SCARA5: variants seen among roughly 807,000 people sequenced by gnomAD.
SCARA5 encodes the protein scavenger receptor class A, member 5 (putative).
A neutral mutation model predicts 46.3 loss-of-function variants in SCARA5; 45 were observed. The observed-to-expected ratio is 0.97, with a 90% CI of 0.76 to 1.24. The LOEUF (loss-of-function observed/expected upper bound fraction) is 1.24. Ranked by LOEUF, SCARA5 falls within the 50% of genes most tolerant of loss-of-function variation. The pLI, the probability that SCARA5 is intolerant of heterozygous loss-of-function variation, is 0.00. For missense variants in SCARA5, 680 were observed against 689.0 expected (o/e 0.99, Z 0.15); for synonymous variants, 333 against 306.5 (o/e 1.09, Z -0.90).
chr8:27,980,602 C>A (rs1481470130), intron 2 of SCARA5, among the ~76,000 whole-genome samples: 1 of 152,162 alleles, frequency 6.6e-6, no homozygotes, highest in East Asian at 1.9e-4. Context: ...GCCTCTGTAC[C>A]CCCTCCCTCC....
chr8:27,921,779 G>A lies in SCARA5; in HGVS notation c.708C>T (p.Tyr236=), dbSNP rs61737296. The A allele has an allele frequency of 0.011, 17,078 of 1,573,344 alleles. 122 individuals are homozygous for A. The highest frequency in any genetic ancestry group is 0.024 in the African/African-American group (1,819 of 74,492). The change falls in exon 4 of 9, where the codon TAC becomes TAT. Residue 236 remains tyrosine, a synonymous_variant. Transcript: ENST00000354914. ...VLRGLNHSLS[Y]DVALHRTRLQ... is the part of the protein sequence containing the mutation. The stretch of plus-strand genomic sequence containing the variant: ...GCCGCGTGCGGTGGAGGGCCACGTC[G>A]TAGGACAGGCTGTGGTTGAGGCCGC...
At chr8:27,963,310 T>C (rs1345357347) in intron 3 of SCARA5, among the ~76,000 whole-genome samples, 1 of 152,196 alleles carries the variant, frequency 6.6e-6, no homozygotes, top group Non-Finnish European at 1.5e-5. Flanking sequence ...CAATCTCAAT[T>C]CTTTAGTTCA....
intron 4 of SCARA5, among the ~76,000 whole-genome samples, chr8:27,912,522 G>A (rs746635637): frequency 2.0e-5 from 3 of 152,330 alleles, no homozygotes; most frequent in South Asian, 2.1e-4. Flanking sequence ...GCACAGAAAC[G>A]AAGGGCGGAG....
chr8:27,955,230 G>A (rs993844325), intron 3 of SCARA5, among the ~76,000 whole-genome samples: 6 of 152,192 alleles, frequency 3.9e-5, no homozygotes, highest in African/African-American at 1.2e-4. Flanking sequence ...TTACCAGACA[G>A]AAACACAGCG....
chr8:27,964,786 C>T (rs998768987), intron 3 of SCARA5, among the ~76,000 whole-genome samples: 8 of 152,062 alleles, frequency 5.3e-5, no homozygotes, highest in African/African-American at 1.4e-4. Context: ...CTGCCCCAAA[C>T]CCCCCACCAG....
At chr8:27,898,924 G>A (rs185796203) in intron 7 of SCARA5, among the ~76,000 whole-genome samples, 52 of 152,360 alleles carry the variant, frequency 3.4e-4, no homozygotes, top group African/African-American at 1.1e-3. Flanking sequence ...GGTACCTGGC[G>A]GGCGGCGTGC....
intron 3 of SCARA5, among the ~76,000 whole-genome samples, chr8:27,946,302 C>A (rs1269498457): frequency 2.0e-5 from 3 of 152,138 alleles, no homozygotes; most frequent in Non-Finnish European, 4.4e-5. Flanking sequence ...TAAAAGAAAA[C>A]CAGGATTCGT....
intron 2 of SCARA5, 75 bp from the exon 3 acceptor site, chr8:27,966,617 C>T: frequency 6.8e-7 from 1 of 1,463,232 alleles, no homozygotes; most frequent in Non-Finnish European, 9.2e-7. Context: ...TTTTTGGTCT[C>T]ATCTCTCCCT....
chr8:27,945,137 G>A (rs1808014070), intron 3 of SCARA5, among the ~76,000 whole-genome samples: 1 of 151,742 alleles, frequency 6.6e-6, no homozygotes, highest in Non-Finnish European at 1.5e-5. Flanking sequence ...CTGCACTCCA[G>A]CCTGGGTGAT....
intron 3 of SCARA5, among the ~76,000 whole-genome samples, chr8:27,951,595 G>T (rs542855138): frequency 1.3e-5 from 2 of 152,324 alleles, no homozygotes; most frequent in South Asian, 4.1e-4. Context: ...CGGTGCAGAG[G>T]CCCGTCCCGT....
rs181079909 is a variant in SCARA5 at position 27,989,687 on chromosome 8, G to A, written c.-15-2057C>T. On this transcript the variant is annotated intron_variant, in intron 1 of 8. Coordinates refer to ENST00000354914, the MANE Select transcript of SCARA5 (RefSeq NM_173833.6). ...AGGGATGGAACAGGGGGTGGTCCTC[G>A]GCTCTGCCAGGATCTCTCCTCCCTG... 5.2e-3 allele frequency among the ~76,000 whole-genome samples: 789 copies of A among 152,256 alleles called. 7 individuals are homozygous for A. The highest frequency in any genetic ancestry group is 0.018 in the African/African-American group (746 of 41,540).
At chr8:27,874,476 T>A (rs1806692029) in intron 8 of SCARA5, among the ~76,000 whole-genome samples, 1 of 152,206 alleles carries the variant, frequency 6.6e-6, no homozygotes, top group Non-Finnish European at 1.5e-5. Flanking sequence ...ATGCCTGCTT[T>A]TATAAATAAA....
chr8:27,978,868 A>G (rs1808567611), intron 2 of SCARA5, among the ~76,000 whole-genome samples: 1 of 152,008 alleles, frequency 6.6e-6, no homozygotes, highest in Non-Finnish European at 1.5e-5. Context: ...AGCCTCCCAC[A>G]GACCATGCAT....
intron 8 of SCARA5, among the ~76,000 whole-genome samples, chr8:27,873,243 C>T (rs1214047242): frequency 1.3e-5 from 2 of 152,144 alleles, no homozygotes; most frequent in Non-Finnish European, 2.9e-5. Context: ...CGAAGCAGCC[C>T]TGAGAAACAT....
Position 27,871,061 on chromosome 8 carries a change from C to A in SCARA5, c.*873G>T, listed in dbSNP as rs1304028060. On this transcript the variant is annotated 3_prime_UTR_variant, in exon 9 of 9. Coordinates refer to ENST00000354914, the MANE Select transcript of SCARA5 (RefSeq NM_173833.6). Reference sequence around the variant, plus strand: ...GCCCTGGAGGTTCTGAAGTAGGCAACTTTCTAGTTACACAGGTCCTGCACC... The same window carrying A: ...GCCCTGGAGGTTCTGAAGTAGGCAAATTTCTAGTTACACAGGTCCTGCACC... 1 of 152,228 alleles carries A rather than the reference C, an allele frequency of 6.6e-6. No individual in the cohort carries two copies. Among genetic ancestry groups the A allele is most frequent in the Non-Finnish European group, 1.5e-5 (1 of 68,052 alleles). The allele number at this position is 152,228 out of a possible 1,614,324, so 9.4% of individuals were successfully genotyped here. A position where few individuals can be genotyped will look rare whatever the true frequency, so the allele number is the denominator to read the frequency against.
chr8:27,933,155 C>T (rs1054662700), intron 3 of SCARA5, among the ~76,000 whole-genome samples: 3 of 152,180 alleles, frequency 2.0e-5, no homozygotes, highest in African/African-American at 7.2e-5. Flanking sequence ...TCTTGGGCTG[C>T]AGGCGTTGAT....
At chr8:27,876,175 G>T (rs368233373) in intron 8 of SCARA5, among the ~76,000 whole-genome samples, 2 of 152,172 alleles carry the variant, frequency 1.3e-5, no homozygotes, top group Admixed American at 6.5e-5. Flanking sequence ...CATGCTAACT[G>T]CTTGACACCC....
intron 6 of SCARA5, among the ~76,000 whole-genome samples, chr8:27,906,768 T>C (rs1807269372): frequency 6.6e-6 from 1 of 152,222 alleles, no homozygotes. Flanking sequence ...GGCACAATCA[T>C]AGCTCACTAT....
intron 4 of SCARA5, 143 bp downstream of exon 4, chr8:27,921,428 T>G: frequency 1.5e-6 from 1 of 681,206 alleles, no homozygotes; most frequent in African/African-American, 1.9e-5. Flanking sequence ...GGGCAAGACT[T>G]AGAGAGTATG....
Sources: gnomAD v4.1 joint callset for allele counts (sites outside exome capture counted in the v4.1 genomes callset) on GRCh38, gnomAD v4.1.1 for gene constraint, MANE v1.5 for transcripts, NCBI Gene and HGNC (gene_info 2026-07-23, HGNC 2026-07-21) for gene names.